SHTN1: variants seen among roughly 807,000 people sequenced by gnomAD.
SHTN1 encodes shootin 1.
Under a neutral mutation model 83.1 loss-of-function variants are expected in SHTN1, and 42 were observed. The observed-to-expected ratio is 0.51, with a 90% CI of 0.39 to 0.65. The LOEUF is 0.65. Ranked by LOEUF, SHTN1 falls within the 30% of genes least tolerant of loss-of-function variation. SHTN1 has a pLI of 0.00. For synonymous variants in SHTN1, 224 were observed against 247.7 expected (o/e 0.90, Z 0.90); for missense variants, 622 against 737.8 (o/e 0.84, Z 1.82).
At chr10:117,042,569 A>T (rs958475914) in intron 2 of SHTN1, among the ~76,000 whole-genome samples, 1 of 152,064 alleles carries the variant, frequency 6.6e-6, no homozygotes, top group Non-Finnish European at 1.5e-5. Flanking sequence ...ACTCCAATAC[A>T]GCTCTCAAGG....
At chr10:116,982,788 A>T (rs1325068042) in intron 1 of SHTN1, among the ~76,000 whole-genome samples, 2 of 152,060 alleles carry the variant, frequency 1.3e-5, no homozygotes, top group Non-Finnish European at 2.9e-5. Context: ...GTGAAACCGC[A>T]TCTCTTCTAA....
chr10:117,002,000 C>T (rs1275345872), intron 1 of SHTN1, among the ~76,000 whole-genome samples: 1 of 152,160 alleles, frequency 6.6e-6, no homozygotes, highest in Non-Finnish European at 1.5e-5. Context: ...AGGTAACATT[C>T]TGCCCATTAG....
At chr10:116,938,070 T>C (rs1412576716) in intron 9 of SHTN1, among the ~76,000 whole-genome samples, 6 of 151,914 alleles carry the variant, frequency 3.9e-5, no homozygotes, top group Admixed American at 2.0e-4. Flanking sequence ...CCTCTAACCT[T>C]TTATCAAGGT....
At chr10:116,979,190 C>T (rs766687333) in intron 2 of SHTN1, 66 bp downstream of exon 2, 6 of 1,308,430 alleles carry the variant, frequency 4.6e-6, no homozygotes, top group Non-Finnish European at 6.6e-6. Flanking sequence ...GGTGACTGAA[C>T]AATGCACTAT....
intron 2 of SHTN1, among the ~76,000 whole-genome samples, chr10:116,970,999 G>A (rs958745054): frequency 1.3e-5 from 2 of 152,102 alleles, no homozygotes; most frequent in African/African-American, 4.8e-5. Context: ...TCTGTGCAAT[G>A]GGTATTTGTT....
At chr10:116,898,883 A>C (rs1158188587) in intron 16 of SHTN1, among the ~76,000 whole-genome samples, 1 of 152,206 alleles carries the variant, frequency 6.6e-6, no homozygotes, top group African/African-American at 2.4e-5. Context: ...ATAAATCAGT[A>C]TATCTTTGAC....
At chr10:117,053,069 T>C (rs1852773582) in intron 1 of SHTN1, among the ~76,000 whole-genome samples, 1 of 141,678 alleles carries the variant, frequency 7.1e-6, no homozygotes, top group African/African-American at 2.6e-5. Context: ...TGACCCCTCA[T>C]AGCATTTACA....
intron 4 of SHTN1, among the ~76,000 whole-genome samples, chr10:116,958,839 T>A (rs1850077379): frequency 6.6e-6 from 1 of 152,166 alleles, no homozygotes; most frequent in African/African-American, 2.4e-5. Flanking sequence ...CAAAATCACA[T>A]ATGCCCAAAA....
At chr10:117,106,499 T>C (rs561864809) in intron 1 of SHTN1, among the ~76,000 whole-genome samples, 1 of 152,074 alleles carries the variant, frequency 6.6e-6, no homozygotes, top group African/African-American at 2.4e-5. Context: ...ATGTCCTATG[T>C]TGAGACCAGA....
At chr10:116,930,312 G>A (rs1206418959) in intron 9 of SHTN1, among the ~76,000 whole-genome samples, 2 of 152,084 alleles carry the variant, frequency 1.3e-5, no homozygotes, top group African/African-American at 2.4e-5. Context: ...CAGGGGCTTG[G>A]TGTACAGGTT....
At chr10:117,053,016 T>C (rs1852770865) in intron 1 of SHTN1, among the ~76,000 whole-genome samples, 1 of 3,538 alleles carries the variant, frequency 2.8e-4, no homozygotes, top group African/African-American at 3.4e-4. Context: ...CAAGACTGTG[T>C]CTCAAAAAAA....
intron 1 of SHTN1, among the ~76,000 whole-genome samples, chr10:117,083,873 C>T (rs1210619616): frequency 2.0e-5 from 3 of 151,654 alleles, no homozygotes; most frequent in Admixed American, 1.3e-4. Flanking sequence ...ACGTAGTTCT[C>T]GAGCCTTGGT....
At chr10:116,964,236 C>T (rs1191405692) in intron 3 of SHTN1, among the ~76,000 whole-genome samples, 3 of 152,168 alleles carry the variant, frequency 2.0e-5, no homozygotes, top group Non-Finnish European at 4.4e-5. Context: ...CAGCCTTGTG[C>T]TAAACTCTTT....
intron 2 of SHTN1, among the ~76,000 whole-genome samples, chr10:116,976,006 CAGA>C (rs1410630411): frequency 6.6e-6 from 1 of 152,162 alleles, no homozygotes; most frequent in Non-Finnish European, 1.5e-5. Context: ...AGGACCTTTG[CAGA>C]AGAAGAGTCA....
chr10:117,068,623 AAAAG>A (rs201698354), intron 1 of SHTN1, among the ~76,000 whole-genome samples: 3,564 of 152,230 alleles, frequency 0.023, 124 homozygotes, highest in East Asian at 0.12. Flanking sequence ...GAAAAAAAAA[AAAAG>A]AGTCATCAAT....
chr10:117,126,389 G>A (rs1307658588), exon 1 of SHTN1: 7 of 183,118 alleles, frequency 3.8e-5, no homozygotes, highest in African/African-American at 7.2e-5. Flanking sequence ...AGGCTCACAG[G>A]AGGAGAGCTC....
chr10:117,037,469 G>A (rs1228929399), intron 2 of SHTN1, among the ~76,000 whole-genome samples: 1 of 152,092 alleles, frequency 6.6e-6, no homozygotes, highest in Admixed American at 6.6e-5. Context: ...ACTCAATATT[G>A]TCAAAATGTC....
intron 3 of SHTN1, among the ~76,000 whole-genome samples, chr10:116,963,699 T>C (rs906663893): frequency 3.9e-5 from 6 of 152,318 alleles, no homozygotes; most frequent in Middle Eastern, 3.4e-3. Flanking sequence ...GGGTGTACAG[T>C]TGGAAGACTG....
At chr10:116,887,367 G>A (rs1044201204) in intron 16 of SHTN1, among the ~76,000 whole-genome samples, 2 of 152,214 alleles carry the variant, frequency 1.3e-5, no homozygotes, top group Non-Finnish European at 2.9e-5. Context: ...CTGCTGAGCT[G>A]CGGCCTGAAG....
Sources: allele counts gnomAD v4.1 joint callset (sites outside exome capture counted in the v4.1 genomes callset), GRCh38; gene constraint gnomAD v4.1.1; transcripts MANE v1.5; gene names NCBI Gene and HGNC (gene_info 2026-07-23, HGNC 2026-07-21).